The following MCM6 variants were observed in gnomAD, a reference collection of about 807,000 sequenced individuals.
MCM6 encodes DNA replication licensing factor MCM6.
MCM6 carries 46 observed loss-of-function variants against 94.3 expected under a neutral mutation model. That is an observed-to-expected ratio of 0.49 (90% confidence interval 0.39 to 0.62). The LOEUF (loss-of-function observed/expected upper bound fraction) is 0.62. Ranked by LOEUF, MCM6 falls within the 20% of genes least tolerant of loss-of-function variation. The probability of loss-of-function intolerance (pLI) is 0.00; values close to 1 mark genes in which losing one functional copy is unlikely to be tolerated. For synonymous variants in MCM6, 335 were observed against 351.9 expected, an observed-to-expected ratio of 0.95 and a Z score of 0.54; for missense variants, 865 against 1,017.9, an observed-to-expected ratio of 0.85 and a Z score of 2.04.
chr2:135,843,651 G>A (rs537136985), intron 16 of MCM6, among the ~76,000 whole-genome samples: 2 of 149,842 alleles, frequency 1.3e-5, no homozygotes, highest in Non-Finnish European at 3.0e-5. Flanking sequence ...CAGGAGAATC[G>A]CTTGAACCCA....
intron 13 of MCM6, among the ~76,000 whole-genome samples, chr2:135,848,843 A>T (rs4988251): frequency 1.3e-5 from 2 of 152,068 alleles, no homozygotes; most frequent in Non-Finnish European, 2.9e-5. Flanking sequence ...CGAGATTGTG[A>T]CACTGCACTC....
At chr2:135,852,698 GGTTCA>G (rs1679799383) in intron 12 of MCM6, 84 bp downstream of exon 12, 1 of 956,088 alleles carries the variant, frequency 1.0e-6, no homozygotes, top group African/African-American at 1.7e-5. Flanking sequence ...GTAGATGACA[GGTTCA>G]GTTAATTTCC....
In MCM6 at chr2:135,861,047, AAAG is replaced by A. The variant is rs376958211; in HGVS notation, c.1220+1557_1220+1559del. ...TACATCTTTCTTTTTGAGGGGGGAG[AAAG>A]AATGACAAGAAAAAAAAAAGAATCC... On this transcript the variant is annotated intron_variant, in intron 8 of 16. Transcript: ENST00000264156. 1.1e-4 allele frequency among the ~76,000 whole-genome samples: 17 copies of A among 152,274 alleles called. No homozygotes were observed. In the East Asian group the frequency reaches 3.1e-3, roughly 28 times the overall value.
intron 11 of MCM6, among the ~76,000 whole-genome samples, 167 bp downstream of exon 11, chr2:135,856,561 A>C (rs1029942483): frequency 6.6e-6 from 1 of 152,190 alleles, no homozygotes; most frequent in African/African-American, 2.4e-5. Flanking sequence ...AATTCAAATG[A>C]CTTTATTTTG....
rs1452559633 is a variant in MCM6, at chr2:135,840,393, T to C, written c.*442A>G. 6.5e-6 allele frequency: 1 copy of C among 152,836 alleles called. No homozygotes were observed. The highest frequency in any genetic ancestry group is 1.5e-5 in the Non-Finnish European group (1 of 68,572). 9.5% of individuals were successfully genotyped at this position (152,836 alleles called of 1,614,324 possible). A position where few individuals can be genotyped will look rare whatever the true frequency, so the allele number is the denominator to read the frequency against. ...AAAGGGAAAGTCTCACATTCAGAAG[T>C]AGATGGAAGTAATAATCAGGGTACA... On this transcript the variant is annotated 3_prime_UTR_variant, in exon 17 of 17. Coordinates refer to ENST00000264156, the MANE Select transcript of MCM6 (RefSeq NM_005915.6).
chr2:135,858,353 G>A (rs968985990), intron 9 of MCM6, among the ~76,000 whole-genome samples: 1 of 152,060 alleles, frequency 6.6e-6, no homozygotes, highest in Admixed American at 6.6e-5. Context: ...CAGGTGTGGT[G>A]GTGTGCACCT....
chr2:135,862,629 T>A lies in MCM6; in HGVS notation c.1198A>T (p.Thr400Ser). The A allele has an allele frequency of 1.2e-6, 2 of 1,614,224 alleles. No homozygotes were observed. Among genetic ancestry groups the A allele is most frequent in the South Asian group, 1.1e-5 (1 of 91,088 alleles). ...TACTTGAGAAATTGGCTCTTAGCTG[T>A]ACTTGGGTCACCAACAATGCAAACA... ...INVCIVGDPS[T>S]AKSQFLKHVE... Residue 400 changes from threonine (T) to serine (S), a missense_variant, in exon 8 of 17, where the codon ACA becomes TCA. This residue lies in a region of MCM6 where 153 missense variants were observed against 241.5 expected (regional missense o/e 0.63). Coordinates refer to ENST00000264156, the MANE Select transcript of MCM6 (RefSeq NM_005915.6).
intron 6 of MCM6, 147 bp from the exon 7 acceptor site, chr2:135,865,310 C>T (rs946905807): frequency 1.8e-5 from 9 of 488,384 alleles, no homozygotes; most frequent in Non-Finnish European, 3.0e-5. Context: ...AAAACAACTC[C>T]CCAAACTAGT....
intron 15 of MCM6, among the ~76,000 whole-genome samples, chr2:135,845,958 G>A (rs1679662867): frequency 6.6e-6 from 1 of 152,178 alleles, no homozygotes; most frequent in Non-Finnish European, 1.5e-5. Flanking sequence ...ATTTGTATGT[G>A]CTGCTTCATA....
At chr2:135,871,828 G>C (rs1558764169) in intron 2 of MCM6, among the ~76,000 whole-genome samples, 1 of 152,202 alleles carries the variant, frequency 6.6e-6, no homozygotes, top group African/African-American at 2.4e-5. Context: ...AAGGCTCCTG[G>C]AACTCTGTTG....
At position 135,866,359 on chromosome 2, in the gene MCM6, TA is replaced by T. The variant is rs1443276503; in HGVS notation, c.782-83del. 8 of 1,539,730 alleles carry T rather than the reference TA, an allele frequency of 5.2e-6. No individual in the cohort carries two copies. In the East Asian group the frequency reaches 1.8e-4, roughly 35 times the overall value. On this transcript the variant is annotated intron_variant, in intron 5 of 16. Transcript: ENST00000264156. ...AAATTGCTCAAATAAATGAAAGCTA[TA>T]AATCCAAAGACTTCACTTAAGCCTT...
At chr2:135,853,931 TAAG>T (rs1179581500) in intron 11 of MCM6, among the ~76,000 whole-genome samples, 2 of 152,190 alleles carry the variant, frequency 1.3e-5, no homozygotes, top group Non-Finnish European at 2.9e-5. Context: ...TATTTCTAAT[TAAG>T]AAGTTGTCTG....
rs202222981 is a variant in MCM6, at chr2:135,856,868, G to A, written c.1486C>T (p.Arg496Trp). ...KAGVKATLNARTSILAAANPI... is the reference protein window; with the variant it reads ...KAGVKATLNAWTSILAAANPI... ...TTTGCTGCTGCCAAAATGGACGTCC[G>A]GGCGTTCAGAGTAGCCTGACCACAA... Residue 496 changes from arginine (R) to tryptophan (W), a missense_variant, in exon 11 of 17, where the codon CGG becomes TGG. Coordinates refer to ENST00000264156, the MANE Select transcript of MCM6 (RefSeq NM_005915.6). The A allele has an allele frequency of 1.9e-6, 3 of 1,613,646 alleles. No individual in the cohort carries two copies. Among genetic ancestry groups the A allele is most frequent in the South Asian group, 1.1e-5 (1 of 91,014 alleles).
At position 135,846,251 on chromosome 2, in the gene MCM6, C is replaced by G. The variant is rs200993395; in HGVS notation, c.2195G>C (p.Arg732Thr). 2.5e-6 allele frequency: 4 copies of G among 1,614,044 alleles called. No homozygotes were observed. The highest frequency in any genetic ancestry group is 3.4e-6 in the Non-Finnish European group (4 of 1,179,946). The change falls in exon 15 of 17, where the codon AGA becomes ACA. Residue 732 changes from arginine to threonine, a missense_variant. By Grantham distance (71) the Arg-to-Thr change is moderately conservative (BLOSUM62 -1). Around this residue, in one of 3 missense-constraint regions of MCM6, gnomAD observed 308 missense variants for 324.5 expected, o/e 0.95. Coordinates refer to ENST00000264156, the MANE Select transcript of MCM6 (RefSeq NM_005915.6). ...GTAAGCCTCACCTTCTTCCACCTTT[C>G]TGAGGTGAAGCACAATAAGGTTAGA... The part of the protein sequence containing the change: ...RISNLIVLHL[R>T]KVEEEEDESA...
chr2:135,874,010 T>C (rs1227433955), intron 1 of MCM6, among the ~76,000 whole-genome samples: 1 of 152,172 alleles, frequency 6.6e-6, no homozygotes, highest in Non-Finnish European at 1.5e-5. Flanking sequence ...GGTGTTTTTG[T>C]AAGACAAACA....
In MCM6 at chr2:135,852,872, G is replaced by C; in HGVS notation, c.1670C>G (p.Ser557Ter). The C allele has an allele frequency of 6.2e-7, 1 of 1,610,306 alleles. No homozygotes were observed. Among genetic ancestry groups the C allele is most frequent in the Non-Finnish European group, 8.5e-7 (1 of 1,178,116 alleles). ...AIARRIVDLH[S>*]RIEESIDRVY... ...ACGATCAATTGATTCCTCAATTCTT[G>C]AATGCAAATCTACTATGCGCCTGGC... Residue 557 changes from serine (S) to a stop codon, truncating the protein, a stop_gained, in exon 12 of 17, where the codon TCA becomes TGA. Transcript: ENST00000264156. LOFTEE classifies it high-confidence loss of function.
chr2:135,854,997 A>G (rs1303043271), intron 11 of MCM6, among the ~76,000 whole-genome samples: 2 of 152,018 alleles, frequency 1.3e-5, no homozygotes, highest in Non-Finnish European at 2.9e-5. Context: ...TCTAGTAAAA[A>G]TACACAAAAT....
chr2:135,849,254 C>T (rs1679726255), intron 13 of MCM6, among the ~76,000 whole-genome samples: 1 of 152,162 alleles, frequency 6.6e-6, no homozygotes, highest in South Asian at 2.1e-4. Context: ...TGGCTCACCA[C>T]CTTCTCTTCC....
intron 1 of MCM6, 67 bp downstream of exon 1, chr2:135,876,192 G>A: frequency 7.9e-7 from 1 of 1,270,998 alleles, no homozygotes; most frequent in South Asian, 1.6e-5. Context: ...CCGCCCACAC[G>A]GCACCGCCTG....
Sources: allele counts gnomAD v4.1 joint callset (sites outside exome capture counted in the v4.1 genomes callset), GRCh38; gene constraint gnomAD v4.1.1; regional missense constraint gnomAD v4.1.1; transcripts MANE v1.5; gene names NCBI Gene and HGNC (gene_info 2026-07-23, HGNC 2026-07-21).